The following FA2H variants were observed in gnomAD, a reference collection of about 807,000 sequenced individuals.
The protein encoded by FA2H is fatty acid 2-hydroxylase, also known as fatty acid alpha-hydroxylase.
Under a neutral mutation model 44.9 loss-of-function variants are expected in FA2H, and 22 were observed. The ratio of observed to expected loss-of-function variants is 0.49; its 90% CI spans 0.35 to 0.70. The LOEUF is 0.70. FA2H is among the 30% of genes least tolerant of loss of function. The pLI is 0.01. For synonymous variants in FA2H, 243 were observed against 213.2 expected (o/e 1.14, Z -1.22); for missense variants, 501 against 504.9 (o/e 0.99, Z 0.07).
At chr16:74,720,674 A>G (rs1221375387) in intron 4 of FA2H, among the ~76,000 whole-genome samples, 1 of 152,082 alleles carries the variant, frequency 6.6e-6, no homozygotes, top group Non-Finnish European at 1.5e-5. Flanking sequence ...CACCCCAGTC[A>G]ATTTTACAAC....
chr16:74,728,785 T>C (rs1297009096), intron 2 of FA2H, among the ~76,000 whole-genome samples: 3 of 139,992 alleles, frequency 2.1e-5, no homozygotes, highest in African/African-American at 5.3e-5. Context: ...TCTTTCTTTT[T>C]TTTTTTTTTT....
intron 2 of FA2H, among the ~76,000 whole-genome samples, chr16:74,733,974 C>T (rs933836251): frequency 9.8e-5 from 15 of 152,322 alleles, no homozygotes; most frequent in African/African-American, 3.6e-4. Context: ...GCAGGGAAGG[C>T]CCCCTTCTAC....
rs1349357674 is a variant in FA2H at position 74,741,788 on chromosome 16, ATATATATATATATATATATATG to A, written c.271-1695_271-1674del. On this transcript the variant is annotated intron_variant, in intron 1 of 6. Transcript: ENST00000219368. ...CACCTGATTAAATATATATATATAT[ATATATATATATATATATATATG>A]TGTGTGTGTGTGTGTGTGTGTGTGT... Among the ~76,000 whole-genome samples, 21 of 70,792 alleles carry A rather than the reference ATATATATATATATATATATATG, an allele frequency of 3.0e-4. 2 individuals carry two copies. Among genetic ancestry groups the A allele is most frequent in the African/African-American group, 1.2e-3 (20 of 17,112 alleles). 46.4% of individuals were successfully genotyped at this position (70,792 alleles called of 152,430 possible). A position where few individuals can be genotyped will look rare whatever the true frequency, so the allele number is the denominator to read the frequency against.
chr16:74,726,388 A>C lies in FA2H; in HGVS notation c.507-57T>G. 3 of 1,085,392 alleles carry C rather than the reference A, an allele frequency of 2.8e-6. 1 individual carries two copies. In the South Asian group the frequency reaches 4.0e-5, roughly 14 times the overall value. 67.2% of individuals were successfully genotyped at this position (1,085,392 alleles called of 1,614,324 possible). On this transcript the variant is annotated intron_variant, in intron 3 of 6. Coordinates refer to ENST00000219368, the MANE Select transcript of FA2H (RefSeq NM_024306.5). ...CATGCACAGGAGCTTGACAGAGTAC[A>C]GCTTTCTTTTTTTTTTTGAGACGGA...
chr16:74,748,334 C>G (rs1050754079), intron 1 of FA2H, among the ~76,000 whole-genome samples: 1 of 152,230 alleles, frequency 6.6e-6, no homozygotes, highest in Non-Finnish European at 1.5e-5. Flanking sequence ...GCCCTGCCAT[C>G]TCCACCACAA....
intron 1 of FA2H, among the ~76,000 whole-genome samples, chr16:74,755,407 C>T (rs1184348367): frequency 3.3e-5 from 5 of 151,534 alleles, no homozygotes; most frequent in South Asian, 2.1e-4. Context: ...CTCAAACTCC[C>T]GACCTCAGGT....
chr16:74,774,426 C>A (rs1172532188), intron 1 of FA2H, 60 bp downstream of exon 1: 4 of 1,446,512 alleles, frequency 2.8e-6, no homozygotes, highest in Non-Finnish European at 3.6e-6. Context: ...CGGGGCTCGC[C>A]CGGGAGTGGA....
intron 1 of FA2H, among the ~76,000 whole-genome samples, chr16:74,757,342 C>A (rs1056578480): frequency 6.6e-6 from 1 of 152,166 alleles, no homozygotes; most frequent in Non-Finnish European, 1.5e-5. Flanking sequence ...TGCTAACACA[C>A]AGAATTGGTG....
intron 1 of FA2H, among the ~76,000 whole-genome samples, chr16:74,766,380 GA>G (rs1450322082): frequency 6.6e-6 from 1 of 152,070 alleles, no homozygotes; most frequent in East Asian, 1.9e-4. Context: ...GAGTGAAGGG[GA>G]AAAAAGCAGA....
intron 4 of FA2H, among the ~76,000 whole-genome samples, chr16:74,724,387 C>T (rs1478584847): frequency 6.6e-6 from 1 of 152,200 alleles, no homozygotes. Context: ...GAGTATGCAG[C>T]GCCGCCCCCT....
In FA2H at chr16:74,751,782, C is replaced by T. The variant is rs986750629; in HGVS notation, c.271-11667G>A. 2.2e-4 allele frequency among the ~76,000 whole-genome samples: 33 copies of T among 152,260 alleles called. 1 individual carries two copies. Among genetic ancestry groups the T allele is most frequent in the Middle Eastern group, 6.8e-3 (2 of 294 alleles). On this transcript the variant is annotated intron_variant, in intron 1 of 6. Coordinates refer to ENST00000219368, the MANE Select transcript of FA2H (RefSeq NM_024306.5). ...GACACAGCTCTAGACCAGTGCCACC[C>T]GGCAGGATTTTGTCCAGTGATGGAA...
chr16:74,722,620 T>A (rs1043885606), intron 4 of FA2H, among the ~76,000 whole-genome samples: 2 of 151,646 alleles, frequency 1.3e-5, no homozygotes, highest in East Asian at 4.0e-4. Flanking sequence ...TCCTTAAAAA[T>A]CTGTCTTCTG....
At chr16:74,733,064 T>C (rs1384122341) in intron 2 of FA2H, among the ~76,000 whole-genome samples, 1 of 152,204 alleles carries the variant, frequency 6.6e-6, no homozygotes, top group Non-Finnish European at 1.5e-5. Context: ...GCCTCTTGCC[T>C]GTCTGGGGCC....
Position 74,716,461 on chromosome 16 carries a change from C to T in FA2H, c.925G>A (p.Val309Ile), listed in dbSNP as rs150427439. 260 of 1,613,938 alleles carry T rather than the reference C, an allele frequency of 1.6e-4. No individual in the cohort carries two copies. The highest frequency in any genetic ancestry group is 3.3e-4 in the Admixed American group (20 of 59,992). Residue 309 changes from valine to isoleucine, a missense_variant, in exon 6 of 7, where the codon GTC (valine) becomes ATC (isoleucine). Transcript: ENST00000219368. ...TVFAGGLLGY[V>I]LYDMTHYYLH... ...TAGTAATGGGTCATGTCATAGAGGA[C>T]GTAGCCCAGGAGGCCCCCCGCAAAC...
chr16:74,729,904 G>A (rs2144620849), intron 2 of FA2H, among the ~76,000 whole-genome samples: 1 of 152,226 alleles, frequency 6.6e-6, no homozygotes, highest in South Asian at 2.1e-4. Flanking sequence ...GCCACTGCAG[G>A]TGGGAAGTAG....
chr16:74,716,694 G>A (rs1490760731), intron 5 of FA2H, 95 bp from the exon 6 acceptor site: 15 of 1,390,080 alleles, frequency 1.1e-5, no homozygotes, highest in South Asian at 1.0e-4. Flanking sequence ...GGGGCACAGC[G>A]GCCCAGACAT....
chr16:74,769,617 T>G (rs890821567), intron 1 of FA2H, among the ~76,000 whole-genome samples: 2 of 152,176 alleles, frequency 1.3e-5, no homozygotes, highest in African/African-American at 2.4e-5. Context: ...GGGGTGGTGA[T>G]TCATGGATGC....
At chr16:74,765,244 C>T (rs1219214364) in intron 1 of FA2H, among the ~76,000 whole-genome samples, 3 of 151,994 alleles carry the variant, frequency 2.0e-5, no homozygotes, top group Admixed American at 6.6e-5. Context: ...GCAACCTCCG[C>T]CTCCTGGGTT....
At chr16:74,725,012 G>T (rs1156599880) in intron 4 of FA2H, among the ~76,000 whole-genome samples, 1 of 152,196 alleles carries the variant, frequency 6.6e-6, no homozygotes, top group Non-Finnish European at 1.5e-5. Flanking sequence ...GGAGTGCCGG[G>T]CGGACAGTGG....
Sources: allele counts gnomAD v4.1 joint callset (sites outside exome capture counted in the v4.1 genomes callset), GRCh38; gene constraint gnomAD v4.1.1; transcripts MANE v1.5; gene names NCBI Gene and HGNC (gene_info 2026-07-23, HGNC 2026-07-21).